SMKR1: variants seen among roughly 807,000 people sequenced by gnomAD.
SMKR1 encodes small lysine-rich protein 1.
In SMKR1, 4 loss-of-function variants were observed where a neutral mutation model predicts 4.0. The observed-to-expected ratio is 1.00, with a 90% CI of 0.49 to 2.30. SMKR1 has a LOEUF of 2.30. SMKR1 is among the 30% of genes most tolerant of loss of function. The pLI is 0.02. For synonymous variants in SMKR1, 38 were observed against 32.5 expected (o/e 1.17, Z -0.58); for missense variants, 56 against 81.8 (o/e 0.68, Z 1.22).
intron 1 of SMKR1, among the ~76,000 whole-genome samples, chr7:129,506,625 G>A (rs191579785): frequency 1.3e-5 from 2 of 148,328 alleles, no homozygotes; most frequent in Admixed American, 6.7e-5. Flanking sequence ...TGGCTGGTCT[G>A]CCCTCTCTCT....
rs958893072 is a variant in SMKR1, at chr7:129,512,475, C to T, written c.*34C>T. The T allele has an allele frequency of 2.6e-6, 4 of 1,511,630 alleles. No individual in the cohort carries two copies. Among genetic ancestry groups the T allele is most frequent in the Admixed American group, 4.3e-5 (2 of 46,406 alleles). The allele number at this position is 1,511,630 out of a possible 1,614,324, so 93.6% of individuals were successfully genotyped here. The stretch of plus-strand genomic sequence containing the variant: ...CACAACACATCTCTGTTACAGACAA[C>T]AGGACCTGGGGAAGAGAAGTCAGGA... On this transcript the variant is annotated 3_prime_UTR_variant, in exon 2 of 2. Coordinates refer to ENST00000462322, the MANE Select transcript of SMKR1 (RefSeq NM_001195243.2).
At chr7:129,508,001 T>G (rs1034835974) in intron 1 of SMKR1, among the ~76,000 whole-genome samples, 1 of 152,240 alleles carries the variant, frequency 6.6e-6, no homozygotes, top group African/African-American at 2.4e-5. Context: ...ACAAAAGTTT[T>G]AAATGTTGAT....
rs75707003 is a variant in SMKR1 at position 129,511,977 on chromosome 7, G to A, written c.4-270G>A. Among the ~76,000 whole-genome samples, 402 of 152,256 alleles carry A rather than the reference G, an allele frequency of 2.6e-3. 3 individuals are homozygous for A. Among genetic ancestry groups the A allele is most frequent in the African/African-American group, 9.3e-3 (387 of 41,552 alleles). On this transcript the variant is annotated intron_variant, in intron 1 of 1. Coordinates refer to ENST00000462322, the MANE Select transcript of SMKR1 (RefSeq NM_001195243.2). ...GTGGGCAGATCACTTGAGGTCAGGAGTTTGTGAGCAGCCTACCCAACATGG... is the reference window on the plus strand; with the variant it reads ...GTGGGCAGATCACTTGAGGTCAGGAATTTGTGAGCAGCCTACCCAACATGG...
intron 1 of SMKR1, among the ~76,000 whole-genome samples, chr7:129,510,824 G>T (rs945143831): frequency 1.3e-5 from 2 of 151,952 alleles, no homozygotes; most frequent in South Asian, 2.1e-4. Context: ...GGGGAGGCGG[G>T]GGGAGGCAGA....
intron 1 of SMKR1, among the ~76,000 whole-genome samples, chr7:129,508,805 G>C (rs759317143): frequency 1.3e-5 from 2 of 152,136 alleles, no homozygotes; most frequent in South Asian, 4.1e-4. Context: ...AAAAAGATGA[G>C]AACTTTGAAA....
rs561488606 is a variant in SMKR1 at position 129,502,758 on chromosome 7, C to T, written c.-67C>T. ...GAACGGGCGCTGGGGGCAGCGGCCC[C>T]GGTGGATGCTAAGGGCTTCGGGATC... On this transcript the variant is annotated 5_prime_UTR_variant, in exon 1 of 2. Transcript: ENST00000462322. 9.1e-6 allele frequency: 14 copies of T among 1,534,248 alleles called. No homozygotes were observed. Among genetic ancestry groups the T allele is most frequent in the African/African-American group, 2.8e-5 (2 of 72,274 alleles).
rs1799423628 is a variant in SMKR1, at chr7:129,502,757, C to G, written c.-68C>G. On this transcript the variant is annotated 5_prime_UTR_variant, in exon 1 of 2. Coordinates refer to ENST00000462322, the MANE Select transcript of SMKR1 (RefSeq NM_001195243.2). ...GGAACGGGCGCTGGGGGCAGCGGCC[C>G]CGGTGGATGCTAAGGGCTTCGGGAT... 1 of 1,534,304 alleles carries G rather than the reference C, an allele frequency of 6.5e-7. No homozygotes were observed. Among genetic ancestry groups the G allele is most frequent in the African/African-American group, 1.4e-5 (1 of 72,270 alleles).
intron 1 of SMKR1, among the ~76,000 whole-genome samples, chr7:129,504,237 T>G (rs79162193): frequency 1.3e-5 from 2 of 152,250 alleles, no homozygotes; most frequent in East Asian, 3.8e-4. Flanking sequence ...AACACATTAG[T>G]GCACAGAGCC....
intron 1 of SMKR1, among the ~76,000 whole-genome samples, chr7:129,510,691 G>A (rs1461475030): frequency 6.6e-6 from 1 of 152,192 alleles, no homozygotes; most frequent in Non-Finnish European, 1.5e-5. Flanking sequence ...TTGTGCCACT[G>A]CACTCCAGCC....
rs149799446 is a variant in SMKR1 at position 129,506,864 on chromosome 7, C to CTT, written c.3+4051_3+4052dup. On this transcript the variant is annotated intron_variant, in intron 1 of 1. Coordinates refer to ENST00000462322, the MANE Select transcript of SMKR1 (RefSeq NM_001195243.2). Reference sequence around the variant, plus strand: ...CTTTTAGGTTTTCTTTCTTTCTTTTCTTTTTTTTTTTTTTTGACAGGGTCT... The same window carrying CTT: ...CTTTTAGGTTTTCTTTCTTTCTTTTCTTTTTTTTTTTTTTTTTGACAGGGTCT... Among the ~76,000 whole-genome samples, 373 of 132,210 alleles carry CTT rather than the reference C, an allele frequency of 2.8e-3. 8 individuals are homozygous for CTT. The highest frequency in any genetic ancestry group is 0.024 in the South Asian group (99 of 4,172). 86.7% of individuals were successfully genotyped at this position (132,210 alleles called of 152,430 possible). A position where few individuals can be genotyped will look rare whatever the true frequency, so the allele number is the denominator to read the frequency against.
At chr7:129,509,819 G>A (rs192076623) in intron 1 of SMKR1, among the ~76,000 whole-genome samples, 3 of 152,214 alleles carry the variant, frequency 2.0e-5, no homozygotes, top group Non-Finnish European at 1.5e-5. Context: ...GATTACAGGC[G>A]TGAGCCAGCG....
At chr7:129,510,467 C>A (rs1048197437) in intron 1 of SMKR1, among the ~76,000 whole-genome samples, 1 of 152,184 alleles carries the variant, frequency 6.6e-6, no homozygotes, top group Non-Finnish European at 1.5e-5. Context: ...GGCACAGTGG[C>A]TCAAGCCTGT....
Position 129,502,671 on chromosome 7 carries a change from A to T in SMKR1, c.-154A>T. 1 of 1,109,746 alleles carries T rather than the reference A, an allele frequency of 9.0e-7. No homozygotes were observed. Among genetic ancestry groups the T allele is most frequent in the Non-Finnish European group, 1.3e-6 (1 of 799,370 alleles). 68.7% of individuals were successfully genotyped at this position (1,109,746 alleles called of 1,614,324 possible). On this transcript the variant is annotated 5_prime_UTR_variant, in exon 1 of 2. Transcript: ENST00000462322. ...CCAGCGAGGCGTGGCGGGGAGGCGT[A>T]GTGAGGCTGGGCCCGTGGCGGTTCC...
intron 1 of SMKR1, among the ~76,000 whole-genome samples, chr7:129,511,120 A>G (rs1043909153): frequency 6.6e-6 from 1 of 152,184 alleles, no homozygotes; most frequent in Non-Finnish European, 1.5e-5. Flanking sequence ...TATGCTAAGT[A>G]TCTTATATTT....
chr7:129,505,771 C>CCCAGCCTG (rs1249158632), intron 1 of SMKR1, among the ~76,000 whole-genome samples: 2 of 152,160 alleles, frequency 1.3e-5, no homozygotes, highest in African/African-American at 2.4e-5. Context: ...AGCCACCATG[C>CCCAGCCTG]CCAGCCTGTC....
At chr7:129,509,216 G>A (rs936540738) in intron 1 of SMKR1, among the ~76,000 whole-genome samples, 4 of 152,182 alleles carry the variant, frequency 2.6e-5, no homozygotes, top group Non-Finnish European at 4.4e-5. Flanking sequence ...GGGAGGCTGA[G>A]GCAGGAGAAT....
rs750223427 is a variant in SMKR1 at position 129,504,877 on chromosome 7, G to A, written c.3+2050G>A. 7.9e-5 allele frequency among the ~76,000 whole-genome samples: 12 copies of A among 152,306 alleles called. No homozygotes were observed. The East Asian group carries it at 2.3e-3, about 29-fold the overall frequency. ...ATAGGGCCCTTTCTTCACAGCATGG[G>A]TCGTGAGTAAATGCATTTGTGATTA... On this transcript the variant is annotated intron_variant, in intron 1 of 1. Transcript: ENST00000462322.
chr7:129,504,869 C>G (rs1242164076), intron 1 of SMKR1, among the ~76,000 whole-genome samples: 1 of 152,194 alleles, frequency 6.6e-6, no homozygotes, highest in Non-Finnish European at 1.5e-5. Context: ...CCTTTCTTCA[C>G]AGCATGGGTC....
chr7:129,510,821 C>G (rs559308230), intron 1 of SMKR1, among the ~76,000 whole-genome samples: 2 of 151,408 alleles, frequency 1.3e-5, no homozygotes, highest in South Asian at 2.1e-4. Context: ...TGCGGGGAGG[C>G]GGGGGGAGGC....
Sources: gnomAD v4.1 joint callset for allele counts (sites outside exome capture counted in the v4.1 genomes callset) on GRCh38, gnomAD v4.1.1 for gene constraint, MANE v1.5 for transcripts, NCBI Gene and HGNC (gene_info 2026-07-23, HGNC 2026-07-21) for gene names.